CSMD1: variants seen among roughly 807,000 people sequenced by gnomAD.
The protein encoded by CSMD1 is CUB and Sushi multiple domains 1.
CSMD1 carries 213 observed loss-of-function variants against 417.5 expected under a neutral mutation model. That is an observed-to-expected ratio of 0.51 (90% CI 0.46 to 0.57). CSMD1 has a LOEUF of 0.57. CSMD1 is among the 20% of genes least tolerant of loss of function. CSMD1 has a pLI of 0.00. For missense variants in CSMD1, 6,923 were observed against 4,529.7 expected, an observed-to-expected ratio of 1.53 and a Z score of -15.17; for synonymous variants, 2,862 against 1,736.8, an observed-to-expected ratio of 1.65 and a Z score of -16.11.
intron 3 of CSMD1, among the ~76,000 whole-genome samples, chr8:4,383,579 G>C (rs1434636229): frequency 6.6e-6 from 1 of 152,066 alleles, no homozygotes; most frequent in Non-Finnish European, 1.5e-5. Context: ...CTGATTACAG[G>C]GCCCTGAAAC....
intron 1 of CSMD1, among the ~76,000 whole-genome samples, chr8:4,748,664 T>C (rs1034518040): frequency 2.6e-5 from 4 of 152,218 alleles, no homozygotes; most frequent in Non-Finnish European, 5.9e-5. Context: ...AAATTTTTAG[T>C]CTAAAATTCA....
chr8:4,046,829 G>C (rs906846074), intron 3 of CSMD1, among the ~76,000 whole-genome samples: 4 of 152,126 alleles, frequency 2.6e-5, no homozygotes, highest in Non-Finnish European at 2.9e-5. Context: ...TAAGCGCCAG[G>C]CACTTCATGT....
chr8:4,199,661 T>C (rs940708080), intron 3 of CSMD1, among the ~76,000 whole-genome samples: 1 of 152,164 alleles, frequency 6.6e-6, no homozygotes, highest in Non-Finnish European at 1.5e-5. Context: ...GCTCAGTGTA[T>C]GAGGCTGGAC....
At chr8:4,377,062 T>C (rs1056102223) in intron 3 of CSMD1, among the ~76,000 whole-genome samples, 5 of 152,198 alleles carry the variant, frequency 3.3e-5, no homozygotes, top group South Asian at 2.1e-4. Context: ...TCCTGGATCA[T>C]TGCTTCTGTT....
At chr8:3,571,523 G>A (rs764590765) in intron 10 of CSMD1, among the ~76,000 whole-genome samples, 6 of 152,118 alleles carry the variant, frequency 3.9e-5, no homozygotes, top group Non-Finnish European at 8.8e-5. Flanking sequence ...ATGCTCACCT[G>A]CCTCGAGTTT....
intron 5 of CSMD1, among the ~76,000 whole-genome samples, chr8:3,840,399 G>A (rs894324811): frequency 6.6e-6 from 1 of 152,078 alleles, no homozygotes; most frequent in East Asian, 1.9e-4. Flanking sequence ...GTGTAAATAA[G>A]CAAAATAGAT....
intron 5 of CSMD1, among the ~76,000 whole-genome samples, chr8:3,927,961 C>T (rs1809864899): frequency 6.6e-6 from 1 of 152,018 alleles, no homozygotes; most frequent in South Asian, 2.1e-4. Context: ...TTCTTAAGTT[C>T]ATTTAACATA....
chr8:4,846,899 G>A (rs1331281448), intron 1 of CSMD1, among the ~76,000 whole-genome samples: 2 of 151,918 alleles, frequency 1.3e-5, no homozygotes, highest in African/African-American at 2.4e-5. Context: ...GAAACTTACT[G>A]GAAACTAAAA....
chr8:4,216,548 C>G (rs115312274), intron 3 of CSMD1, among the ~76,000 whole-genome samples: 1 of 152,134 alleles, frequency 6.6e-6, no homozygotes, highest in African/African-American at 2.4e-5. Flanking sequence ...GATCAAAGAA[C>G]CCGGCCTGAG....
At chr8:3,243,569 T>C (rs139910382) in intron 26 of CSMD1, among the ~76,000 whole-genome samples, 105 of 151,954 alleles carry the variant, frequency 6.9e-4, no homozygotes, top group African/African-American at 2.5e-3. Flanking sequence ...CACAAGATAA[T>C]GTCATCAGTT....
At chr8:4,055,114 T>C (rs7835121) in intron 3 of CSMD1, among the ~76,000 whole-genome samples, 4,595 of 152,290 alleles carry the variant, frequency 0.03, 224 homozygotes, top group African/African-American at 0.1. Context: ...TTGAGCTTTG[T>C]GTAGTAGATG....
intron 3 of CSMD1, among the ~76,000 whole-genome samples, chr8:4,205,581 A>C (rs1477907917): frequency 6.6e-6 from 1 of 152,212 alleles, no homozygotes; most frequent in Non-Finnish European, 1.5e-5. Flanking sequence ...ACAGCATATA[A>C]ATGATGGGGT....
chr8:3,041,393 G>A (rs1235142338), intron 50 of CSMD1, among the ~76,000 whole-genome samples: 1 of 151,956 alleles, frequency 6.6e-6, no homozygotes, highest in Non-Finnish European at 1.5e-5. Flanking sequence ...AGAATCCCAG[G>A]TAATATCATA....
chr8:4,589,003 G>T (rs1005396399), intron 2 of CSMD1, among the ~76,000 whole-genome samples: 2 of 151,854 alleles, frequency 1.3e-5, no homozygotes, highest in South Asian at 2.1e-4. Flanking sequence ...ATATAAACAC[G>T]TTATGTATAC....
intron 57 of CSMD1, among the ~76,000 whole-genome samples, chr8:2,967,494 C>A (rs956638246): frequency 1.1e-4 from 16 of 152,068 alleles, no homozygotes; most frequent in Non-Finnish European, 2.1e-4. Context: ...GCTCGGCTGC[C>A]GCTGGGTACG....
At chr8:3,506,534 T>A (rs959818503) in intron 10 of CSMD1, among the ~76,000 whole-genome samples, 1 of 152,218 alleles carries the variant, frequency 6.6e-6, no homozygotes. Flanking sequence ...GTTACACAGA[T>A]ACTTTACGTT....
At chr8:3,929,139 C>G (rs969063906) in intron 5 of CSMD1, among the ~76,000 whole-genome samples, 5 of 150,224 alleles carry the variant, frequency 3.3e-5, no homozygotes, top group Non-Finnish European at 1.5e-5. Context: ...AAGATGCTTT[C>G]TACTGCCCCC....
At chr8:4,856,074 A>C (rs1183050694) in intron 1 of CSMD1, among the ~76,000 whole-genome samples, 2 of 152,236 alleles carry the variant, frequency 1.3e-5, no homozygotes, top group Non-Finnish European at 2.9e-5. Flanking sequence ...TCTCGACAGA[A>C]ACCCTGCAAG....
chr8:3,027,423 G>C (rs1000291083), intron 51 of CSMD1, among the ~76,000 whole-genome samples: 1 of 152,186 alleles, frequency 6.6e-6, no homozygotes, highest in African/African-American at 2.4e-5. Flanking sequence ...AGAGATGTTA[G>C]AGGGACCAAA....
Sources: gnomAD v4.1 joint callset for allele counts (sites outside exome capture counted in the v4.1 genomes callset) on GRCh38, gnomAD v4.1.1 for gene constraint, MANE v1.5 for transcripts, NCBI Gene and HGNC (gene_info 2026-07-23, HGNC 2026-07-21) for gene names.